The following POU6F2 variants were observed in gnomAD, a reference collection of about 807,000 sequenced individuals.
POU6F2 encodes the protein POU domain, class 6, transcription factor 2.
POU6F2 carries 31 observed loss-of-function variants against 71.3 expected under a neutral mutation model. The ratio of observed to expected loss-of-function variants is 0.43; its 90% confidence interval spans 0.33 to 0.59. The LOEUF (loss-of-function observed/expected upper bound fraction) is 0.59. Ranked by LOEUF, POU6F2 falls within the 20% of genes least tolerant of loss-of-function variation. The pLI is 0.04. For missense variants in POU6F2, 783 were observed against 856.8 expected, an observed-to-expected ratio of 0.91 and a Z score of 1.07; for synonymous variants, 347 against 355.7, an observed-to-expected ratio of 0.98 and a Z score of 0.27.
At chr7:39,230,529 C>T (rs1054347365) in intron 4 of POU6F2, among the ~76,000 whole-genome samples, 9 of 151,100 alleles carry the variant, frequency 6.0e-5, no homozygotes, top group Admixed American at 6.6e-5. Flanking sequence ...GGTTTGATTA[C>T]AAAATTTTGG....
chr7:39,085,953 T>C lies in POU6F2; in HGVS notation c.199T>C (p.Ser67Pro). The change falls in exon 2 of 10, where the codon TCA becomes CCA. Residue 67 changes from serine (S) to proline (P), a missense_variant. By Grantham distance (74) the Ser-to-Pro change is moderately conservative. This residue lies in a region of POU6F2 where 572 missense variants were observed against 572.9 expected (regional missense o/e 1.00). Transcript: ENST00000518318. ...ELRGEDKAAT[S>P]DSELNEPLLA... is the part of the protein sequence containing the mutation. Reference sequence around the variant, plus strand: ...GAGAGGTGAGGACAAGGCTGCTACTTCAGACAGCGAGCTGAATGAGCCCCT... The same window carrying C: ...GAGAGGTGAGGACAAGGCTGCTACTCCAGACAGCGAGCTGAATGAGCCCCT... 3.1e-6 allele frequency: 5 copies of C among 1,613,708 alleles called. No individual in the cohort carries two copies. The highest frequency in any genetic ancestry group is 4.2e-6 in the Non-Finnish European group (5 of 1,179,794).
At chr7:39,274,073 A>G (rs1016961392) in intron 4 of POU6F2, among the ~76,000 whole-genome samples, 1 of 152,160 alleles carries the variant, frequency 6.6e-6, no homozygotes, top group Non-Finnish European at 1.5e-5. Flanking sequence ...CCTTCAAACT[A>G]CTTACCAAAA....
At chr7:39,057,072 G>A (rs1036880694) in intron 1 of POU6F2, among the ~76,000 whole-genome samples, 3 of 152,036 alleles carry the variant, frequency 2.0e-5, no homozygotes, top group African/African-American at 7.2e-5. Context: ...AGGGTGCGTT[G>A]GTAGTATTTT....
chr7:39,436,973 C>T (rs1449767232), intron 7 of POU6F2, among the ~76,000 whole-genome samples: 2 of 152,146 alleles, frequency 1.3e-5, no homozygotes, highest in African/African-American at 2.4e-5. Context: ...GGGATGAAGC[C>T]GACTTGATCG....
At chr7:39,418,977 A>ATATATG (rs1562544223) in intron 6 of POU6F2, among the ~76,000 whole-genome samples, 42 of 139,570 alleles carry the variant, frequency 3.0e-4, no homozygotes, top group African/African-American at 9.6e-4. Flanking sequence ...GTATATATGT[A>ATATATG]TATATATGTG....
At chr7:39,183,880 A>G (rs1793483390) in intron 2 of POU6F2, among the ~76,000 whole-genome samples, 1 of 152,206 alleles carries the variant, frequency 6.6e-6, no homozygotes, top group Admixed American at 6.5e-5. Context: ...AACACAAAAC[A>G]CACTATGCAA....
chr7:39,276,686 A>G (rs1784445800), intron 4 of POU6F2, among the ~76,000 whole-genome samples: 3 of 152,030 alleles, frequency 2.0e-5, no homozygotes, highest in Non-Finnish European at 4.4e-5. Flanking sequence ...GATTAAGAAA[A>G]TGTGGCACAT....
intron 2 of POU6F2, among the ~76,000 whole-genome samples, chr7:39,156,512 T>A (rs1230974817): frequency 2.6e-5 from 4 of 152,188 alleles, no homozygotes; most frequent in Non-Finnish European, 5.9e-5. Flanking sequence ...CTGTTATAAT[T>A]GCTCCATTAC....
chr7:39,206,277 T>C (rs1794010633), intron 3 of POU6F2, among the ~76,000 whole-genome samples: 1 of 152,220 alleles, frequency 6.6e-6, no homozygotes, highest in African/African-American at 2.4e-5. Flanking sequence ...TCATCTGGCT[T>C]GACCAGGGCA....
intron 2 of POU6F2, among the ~76,000 whole-genome samples, chr7:39,103,017 A>G (rs894745556): frequency 5.6e-5 from 8 of 142,552 alleles, no homozygotes; most frequent in Non-Finnish European, 1.2e-4. Flanking sequence ...TGTAAACTGT[A>G]TATATCAACA....
chr7:39,463,925 A>G (rs927017533), intron 9 of POU6F2, among the ~76,000 whole-genome samples: 9 of 152,164 alleles, frequency 5.9e-5, no homozygotes, highest in Non-Finnish European at 7.3e-5. Context: ...TTGCATGCCT[A>G]TGATATGTTA....
At chr7:39,186,965 G>A (rs1349688767) in intron 2 of POU6F2, among the ~76,000 whole-genome samples, 1 of 152,194 alleles carries the variant, frequency 6.6e-6, no homozygotes, top group East Asian at 1.9e-4. Flanking sequence ...CTGGAGCCCT[G>A]CTGGGTGACA....
At chr7:39,235,329 C>A (rs1000928397) in intron 4 of POU6F2, among the ~76,000 whole-genome samples, 2 of 152,158 alleles carry the variant, frequency 1.3e-5, no homozygotes, top group African/African-American at 4.8e-5. Context: ...ATATCAAGTA[C>A]TGTGGTTAGA....
chr7:39,224,422 C>T (rs1205356746), intron 4 of POU6F2, among the ~76,000 whole-genome samples: 1 of 151,552 alleles, frequency 6.6e-6, no homozygotes, highest in African/African-American at 2.4e-5. Context: ...CCCCAAACTG[C>T]TCCAGCATTT....
At chr7:39,178,423 G>A (rs1024237750) in intron 2 of POU6F2, among the ~76,000 whole-genome samples, 2 of 151,954 alleles carry the variant, frequency 1.3e-5, no homozygotes, top group African/African-American at 4.8e-5. Flanking sequence ...TATAAAAGTA[G>A]TCTTTATTTT....
At chr7:39,288,490 A>T (rs1784691933) in intron 4 of POU6F2, among the ~76,000 whole-genome samples, 1 of 152,200 alleles carries the variant, frequency 6.6e-6, no homozygotes. Flanking sequence ...ATCACATATC[A>T]GCCTTCTGTT....
At position 39,402,090 on chromosome 7, in the gene POU6F2, G is replaced by T. The variant is rs539050495; in HGVS notation, c.973-4510G>T. 3.3e-5 allele frequency among the ~76,000 whole-genome samples: 5 copies of T among 152,278 alleles called. No individual in the cohort carries two copies. The South Asian group carries it at 1.0e-3, about 32-fold the overall frequency. ...ATGACTACTAATGTTCAGATTTAAG[G>T]AAACTGAATTCTTTTCAGGATACAA... is the stretch of plus-strand genomic sequence containing the variant. On this transcript the variant is annotated intron_variant, in intron 5 of 9. Transcript: ENST00000518318.
rs560930789 is a variant in POU6F2 at position 39,050,668 on chromosome 7, G to C, written c.106-35192G>C. 1.8e-4 allele frequency among the ~76,000 whole-genome samples: 28 copies of C among 152,202 alleles called. 1 individual carries two copies. The highest frequency in any genetic ancestry group is 3.4e-3 in the Middle Eastern group (1 of 294). The stretch of plus-strand genomic sequence containing the variant: ...ATTGTTGCTTATTGTTGACATCTCT[G>C]CTGGGGATGGGATTGTCCAACTACT... On this transcript the variant is annotated intron_variant, in intron 1 of 9. Coordinates refer to ENST00000518318, the MANE Select transcript of POU6F2 (RefSeq NM_001370959.1).
intron 2 of POU6F2, among the ~76,000 whole-genome samples, chr7:39,163,413 T>G (rs1176801882): frequency 6.6e-6 from 1 of 152,162 alleles, no homozygotes; most frequent in Non-Finnish European, 1.5e-5. Context: ...TAGTGGGAAG[T>G]GTTCTGGATG....
Sources: allele counts gnomAD v4.1 joint callset (sites outside exome capture counted in the v4.1 genomes callset), GRCh38; gene constraint gnomAD v4.1.1; regional missense constraint gnomAD v4.1.1; transcripts MANE v1.5; gene names NCBI Gene and HGNC (gene_info 2026-07-23, HGNC 2026-07-21).